CCBE1: variants seen among roughly 807,000 people sequenced by gnomAD.
CCBE1 encodes the protein collagen and calcium binding EGF domains 1.
A neutral mutation model predicts 50.0 loss-of-function variants in CCBE1; 37 were observed. That is an observed-to-expected ratio of 0.74 (90% CI 0.57 to 0.97). The LOEUF is 0.97. Among genes scored for constraint, CCBE1 ranks in the 50% least tolerant of loss-of-function variants. The probability of loss-of-function intolerance (pLI) is 0.00; values close to 1 mark genes in which losing one functional copy is unlikely to be tolerated. For missense variants in CCBE1, 538 were observed against 523.8 expected, an observed-to-expected ratio of 1.03 and a Z score of -0.26; for synonymous variants, 234 against 203.7, an observed-to-expected ratio of 1.15 and a Z score of -1.27.
intron 2 of CCBE1, among the ~76,000 whole-genome samples, chr18:59,629,348 C>T (rs185498472): frequency 7.5e-4 from 115 of 152,322 alleles, no homozygotes; most frequent in African/African-American, 2.4e-3. Context: ...GACACTGTGT[C>T]GCTACAACTC....
rs531272281 is a variant in CCBE1 at position 59,465,636 on chromosome 18, C to A, written c.553+1103G>T. On this transcript the variant is annotated intron_variant, in intron 5 of 10. Transcript: ENST00000439986. ...GCAAGCATAAATTTTTGGATTTAAA[C>A]AAAATTCCTCTGTCAGATTGATATA... 123 of 152,288 alleles carry A rather than the reference C, an allele frequency of 8.1e-4. 1 individual carries two copies. Among genetic ancestry groups the A allele is most frequent in the African/African-American group, 2.5e-3 (105 of 41,564 alleles). The allele number at this position is 152,288 out of a possible 1,614,324, so 9.4% of individuals were successfully genotyped here. A position where few individuals can be genotyped will look rare whatever the true frequency, so the allele number is the denominator to read the frequency against.
intron 2 of CCBE1, among the ~76,000 whole-genome samples, chr18:59,493,936 G>C (rs1913228590): frequency 6.6e-6 from 1 of 152,062 alleles, no homozygotes; most frequent in Non-Finnish European, 1.5e-5. Context: ...CCCTGCACAA[G>C]CTCTCTCTCT....
chr18:59,633,745 A>T lies in CCBE1; in HGVS notation c.212+62884T>A, dbSNP rs201883176. Among the ~76,000 whole-genome samples, 879 of 141,014 alleles carry T rather than the reference A, an allele frequency of 6.2e-3. 7 individuals are homozygous for T. The highest frequency in any genetic ancestry group is 0.032 in the East Asian group (166 of 5,168). 92.5% of individuals were successfully genotyped at this position (141,014 alleles called of 152,430 possible). A position where few individuals can be genotyped will look rare whatever the true frequency, so the allele number is the denominator to read the frequency against. On this transcript the variant is annotated intron_variant, in intron 2 of 10. Transcript: ENST00000439986. ...ATTTAGGGTTTGTTTTTTTTTTTTT[A>T]AAATAAAACCTATGCATAAAATTTT... is the stretch of plus-strand genomic sequence containing the variant.
chr18:59,498,322 A>G (rs1431769994), intron 2 of CCBE1, among the ~76,000 whole-genome samples: 2 of 152,212 alleles, frequency 1.3e-5, no homozygotes, highest in African/African-American at 4.8e-5. Flanking sequence ...TAATAATAGT[A>G]GAAAGGGCTT....
chr18:59,487,026 T>G (rs1037149646), intron 2 of CCBE1, among the ~76,000 whole-genome samples: 12 of 151,162 alleles, frequency 7.9e-5, no homozygotes, highest in African/African-American at 2.9e-4. Flanking sequence ...ATAATCCTGG[T>G]CAGGCACACA....
chr18:59,497,685 C>A (rs755514332), intron 2 of CCBE1, among the ~76,000 whole-genome samples: 2 of 152,174 alleles, frequency 1.3e-5, no homozygotes, highest in African/African-American at 2.4e-5. Flanking sequence ...TCCAACCACC[C>A]AGGTACCCCT....
At chr18:59,683,355 C>A (rs1006470028) in intron 2 of CCBE1, among the ~76,000 whole-genome samples, 2 of 152,172 alleles carry the variant, frequency 1.3e-5, no homozygotes, top group Non-Finnish European at 2.9e-5. Context: ...TAAGATCACA[C>A]AAGTCATACA....
At chr18:59,495,744 T>G (rs1176836217) in intron 2 of CCBE1, among the ~76,000 whole-genome samples, 2 of 152,240 alleles carry the variant, frequency 1.3e-5, no homozygotes, top group African/African-American at 4.8e-5. Flanking sequence ...TGCCTTTAGA[T>G]GTGGCACGCA....
chr18:59,552,353 C>T (rs1030237545), intron 2 of CCBE1, among the ~76,000 whole-genome samples: 1 of 152,174 alleles, frequency 6.6e-6, no homozygotes, highest in Admixed American at 6.5e-5. Flanking sequence ...TATGAAGTAA[C>T]ACACGTAGAG....
At chr18:59,527,671 A>G (rs56102835) in intron 2 of CCBE1, among the ~76,000 whole-genome samples, 45,822 of 152,068 alleles carry the variant, frequency 0.3, 7,256 homozygotes, top group Non-Finnish European at 0.35. Context: ...CTTGCAAGAC[A>G]GGCCTTGTGG....
intron 2 of CCBE1, among the ~76,000 whole-genome samples, chr18:59,526,626 G>A (rs1479261970): frequency 6.6e-6 from 1 of 152,048 alleles, no homozygotes; most frequent in Non-Finnish European, 1.5e-5. Context: ...GATCTTTTTA[G>A]CCTTTTGATG....
intron 2 of CCBE1, among the ~76,000 whole-genome samples, chr18:59,670,127 G>A (rs2054411987): frequency 6.8e-6 from 1 of 148,116 alleles, no homozygotes; most frequent in African/African-American, 2.5e-5. Flanking sequence ...GAAAGCAGGA[G>A]GGGGTGGGGG....
intron 2 of CCBE1, among the ~76,000 whole-genome samples, chr18:59,497,140 A>G (rs1447367789): frequency 2.7e-5 from 4 of 148,202 alleles, no homozygotes; most frequent in Non-Finnish European, 4.4e-5. Context: ...AATAGTAGCT[A>G]TTATTATCAT....
At chr18:59,523,801 T>A (rs1232216491) in intron 2 of CCBE1, among the ~76,000 whole-genome samples, 1 of 152,168 alleles carries the variant, frequency 6.6e-6, no homozygotes, top group African/African-American at 2.4e-5. Flanking sequence ...AGATCCTGCA[T>A]CTCCTCCCCC....
At chr18:59,636,999 T>C (rs890418052) in intron 2 of CCBE1, among the ~76,000 whole-genome samples, 2 of 152,228 alleles carry the variant, frequency 1.3e-5, no homozygotes, top group South Asian at 2.1e-4. Flanking sequence ...AACATTCCCC[T>C]GGGTAAAATT....
Position 59,607,835 on chromosome 18 carries a change from G to T in CCBE1, c.212+88794C>A, listed in dbSNP as rs535569908. Reference sequence around the variant, plus strand: ...CACTCCTGTAATCCCAGCACTTTGGGAGGCTGAGGCAGACGGATCACCTGA... The same window carrying T: ...CACTCCTGTAATCCCAGCACTTTGGTAGGCTGAGGCAGACGGATCACCTGA... On this transcript the variant is annotated intron_variant, in intron 2 of 10. Coordinates refer to ENST00000439986, the MANE Select transcript of CCBE1 (RefSeq NM_133459.4). 7.5e-3 allele frequency among the ~76,000 whole-genome samples: 1,140 copies of T among 152,320 alleles called. 14 individuals carry two copies. Among genetic ancestry groups the T allele is most frequent in the African/African-American group, 0.026 (1,078 of 41,564 alleles).
intron 2 of CCBE1, among the ~76,000 whole-genome samples, chr18:59,590,458 C>A (rs1261506809): frequency 6.6e-6 from 1 of 152,048 alleles, no homozygotes; most frequent in Non-Finnish European, 1.5e-5. Context: ...TTATAAATTT[C>A]AATAAAATTA....
chr18:59,682,043 G>A (rs973389364), intron 2 of CCBE1, among the ~76,000 whole-genome samples: 1 of 152,188 alleles, frequency 6.6e-6, no homozygotes, highest in Middle Eastern at 3.2e-3. Context: ...TGCAGTGGAA[G>A]GTAGGGAGAG....
intron 2 of CCBE1, among the ~76,000 whole-genome samples, chr18:59,619,376 A>T (rs1381239646): frequency 6.6e-6 from 1 of 152,196 alleles, no homozygotes; most frequent in African/African-American, 2.4e-5. Context: ...GACTGTTCAC[A>T]GGTACAATCA....
Sources: gnomAD v4.1 joint callset for allele counts (sites outside exome capture counted in the v4.1 genomes callset) on GRCh38, gnomAD v4.1.1 for gene constraint, MANE v1.5 for transcripts, NCBI Gene and HGNC (gene_info 2026-07-23, HGNC 2026-07-21) for gene names.